The following DPP10 variants were observed in gnomAD, a reference collection of about 807,000 sequenced individuals.
The protein encoded by DPP10 is dipeptidyl peptidase like 10.
Under a neutral mutation model 120.9 loss-of-function variants are expected in DPP10, and 33 were observed. The ratio of observed to expected loss-of-function variants is 0.27; its 90% CI spans 0.21 to 0.37. The LOEUF (loss-of-function observed/expected upper bound fraction) is 0.37. Among genes scored for constraint, DPP10 ranks in the 10% least tolerant of loss-of-function variants. DPP10 has a pLI of 1.00. For missense variants in DPP10, 816 were observed against 942.8 expected, an observed-to-expected ratio of 0.87 and a Z score of 1.76; for synonymous variants, 337 against 326.1, an observed-to-expected ratio of 1.03 and a Z score of -0.36.
intron 3 of DPP10, among the ~76,000 whole-genome samples, chr2:115,372,956 A>G (rs1219838647): frequency 1.3e-5 from 2 of 151,122 alleles, no homozygotes; most frequent in African/African-American, 4.8e-5. Flanking sequence ...TGGAAAACAT[A>G]GTCAGTTGTT....
At chr2:115,593,000 A>G (rs985200377) in intron 5 of DPP10, among the ~76,000 whole-genome samples, 1 of 152,200 alleles carries the variant, frequency 6.6e-6, no homozygotes, top group Non-Finnish European at 1.5e-5. Context: ...TTTACACATT[A>G]AAAGCCAAGC....
At chr2:115,800,873 C>A (rs1286293841) in intron 19 of DPP10, among the ~76,000 whole-genome samples, 1 of 151,874 alleles carries the variant, frequency 6.6e-6, no homozygotes, top group African/African-American at 2.4e-5. Flanking sequence ...TAGCGTGATG[C>A]CTCCAGCTTT....
chr2:114,729,547 T>C (rs530710727), intron 1 of DPP10, among the ~76,000 whole-genome samples: 8 of 152,182 alleles, frequency 5.3e-5, no homozygotes, highest in Non-Finnish European at 1.0e-4. Flanking sequence ...CAAAGTTTGG[T>C]CCCCACAACT....
intron 5 of DPP10, among the ~76,000 whole-genome samples, chr2:115,558,984 C>T (rs1403682452): frequency 1.3e-5 from 2 of 152,152 alleles, no homozygotes; most frequent in Non-Finnish European, 2.9e-5. Flanking sequence ...TTTAGTTGAT[C>T]AAGCTTTCCA....
At chr2:115,224,828 A>G (rs981355092) in intron 1 of DPP10, among the ~76,000 whole-genome samples, 1 of 152,184 alleles carries the variant, frequency 6.6e-6, no homozygotes, top group Admixed American at 6.6e-5. Context: ...CTGGGTGACA[A>G]ATATTGAATG....
intron 2 of DPP10, among the ~76,000 whole-genome samples, chr2:115,329,624 C>G (rs2062585146): frequency 1.3e-5 from 2 of 152,036 alleles, no homozygotes; most frequent in Admixed American, 1.3e-4. Context: ...GTGTGATGTT[C>G]CCCTTCCTGT....
At chr2:114,629,713 G>T (rs984516923) in intron 1 of DPP10, among the ~76,000 whole-genome samples, 1 of 152,140 alleles carries the variant, frequency 6.6e-6, no homozygotes, top group South Asian at 2.1e-4. Context: ...AAGATTAGAC[G>T]ATATGGACCT....
intron 1 of DPP10, among the ~76,000 whole-genome samples, chr2:114,455,205 T>C (rs928443788): frequency 5.6e-4 from 85 of 150,822 alleles, no homozygotes; most frequent in African/African-American, 2.0e-3. Context: ...TGGTGGCATA[T>C]GTATTTAAGA....
chr2:115,236,162 G>A (rs1051785341), intron 1 of DPP10, among the ~76,000 whole-genome samples: 1 of 152,104 alleles, frequency 6.6e-6, no homozygotes, highest in African/African-American at 2.4e-5. Flanking sequence ...CTGACAGTAT[G>A]CTATACATTG....
intron 2 of DPP10, among the ~76,000 whole-genome samples, chr2:115,339,524 A>G: frequency 6.6e-6 from 1 of 152,296 alleles, no homozygotes; most frequent in Middle Eastern, 3.4e-3. Flanking sequence ...TAGTAACTTT[A>G]TTTTTAATAT....
At chr2:115,291,721 T>TTC (rs2060664017) in intron 1 of DPP10, among the ~76,000 whole-genome samples, 1 of 152,132 alleles carries the variant, frequency 6.6e-6, no homozygotes, top group Non-Finnish European at 1.5e-5. Flanking sequence ...CCATGAGCTT[T>TTC]TCAGAACTGA....
intron 3 of DPP10, among the ~76,000 whole-genome samples, chr2:115,406,015 T>G (rs974409187): frequency 2.0e-5 from 3 of 152,214 alleles, no homozygotes; most frequent in African/African-American, 7.2e-5. Context: ...TACCGCACCC[T>G]TGGCTTTTCT....
chr2:115,002,779 A>G (rs1304318446), intron 1 of DPP10, among the ~76,000 whole-genome samples: 1 of 152,190 alleles, frequency 6.6e-6, no homozygotes, highest in East Asian at 1.9e-4. Flanking sequence ...ATCACTAATC[A>G]TTACAGAAAT....
At chr2:115,187,003 A>C (rs2054489850) in intron 1 of DPP10, among the ~76,000 whole-genome samples, 1 of 143,634 alleles carries the variant, frequency 7.0e-6, no homozygotes, top group Non-Finnish European at 1.5e-5. Context: ...TGAATTCAGA[A>C]GGTGGTGCAA....
chr2:115,319,322 T>C (rs1285304119), intron 2 of DPP10, among the ~76,000 whole-genome samples: 1 of 152,144 alleles, frequency 6.6e-6, no homozygotes, highest in African/African-American at 2.4e-5. Context: ...TTTTTACATC[T>C]GTATTTATAA....
intron 13 of DPP10, among the ~76,000 whole-genome samples, chr2:115,774,639 T>A (rs1446493): frequency 6.6e-6 from 1 of 152,068 alleles, no homozygotes; most frequent in African/African-American, 2.4e-5. Flanking sequence ...TACAAAGAAG[T>A]TGATATAAAG....
At chr2:114,866,633 A>T (rs1159092609) in intron 1 of DPP10, among the ~76,000 whole-genome samples, 1 of 152,230 alleles carries the variant, frequency 6.6e-6, no homozygotes. Context: ...GATGTTAAGT[A>T]ATTTGCCCAA....
chr2:114,444,341 G>A (rs1677822735), intron 1 of DPP10, among the ~76,000 whole-genome samples: 1 of 152,160 alleles, frequency 6.6e-6, no homozygotes, highest in African/African-American at 2.4e-5. Flanking sequence ...TGGGAAATAT[G>A]TATTGAAGCC....
At chr2:115,346,355 G>T (rs373437586) in intron 3 of DPP10, among the ~76,000 whole-genome samples, 3 of 152,098 alleles carry the variant, frequency 2.0e-5, no homozygotes, top group Admixed American at 6.6e-5. Flanking sequence ...AGCTTATTTG[G>T]AAGCATCATT....
Sources: allele counts gnomAD v4.1 joint callset (sites outside exome capture counted in the v4.1 genomes callset), GRCh38; gene constraint gnomAD v4.1.1; transcripts MANE v1.5; gene names NCBI Gene and HGNC (gene_info 2026-07-23, HGNC 2026-07-21).